Variants in NALF1 observed in about 807,000 individuals in gnomAD.
NALF1 encodes the protein family with sequence similarity 155 member A.
NALF1 carries 3 observed loss-of-function variants against 48.4 expected under a neutral mutation model. The observed-to-expected ratio is 0.06, with a 90% CI of 0.03 to 0.16. The LOEUF is 0.16. NALF1 is among the 10% of genes least tolerant of loss of function. The pLI is 1.00. For missense variants in NALF1, 526 were observed against 571.5 expected, an observed-to-expected ratio of 0.92 and a Z score of 0.81; for synonymous variants, 262 against 245.7, an observed-to-expected ratio of 1.07 and a Z score of -0.62.
intron 1 of NALF1, among the ~76,000 whole-genome samples, chr13:107,407,692 G>A (rs1883923375): frequency 6.6e-6 from 1 of 151,934 alleles, no homozygotes; most frequent in Non-Finnish European, 1.5e-5. Context: ...TAGTTTGGAA[G>A]CTCTTTAAAA....
intron 1 of NALF1, among the ~76,000 whole-genome samples, chr13:107,733,679 G>C (rs901627060): frequency 2.6e-5 from 4 of 152,064 alleles, no homozygotes; most frequent in Non-Finnish European, 5.9e-5. Context: ...ATAAACCAAT[G>C]ACAGAAAGAA....
At chr13:107,258,394 T>C (rs1880863107) in intron 1 of NALF1, among the ~76,000 whole-genome samples, 1 of 152,174 alleles carries the variant, frequency 6.6e-6, no homozygotes, top group Non-Finnish European at 1.5e-5. Flanking sequence ...AAATCTAAGA[T>C]AAAACACAAC....
chr13:107,330,299 A>T (rs1882444735), intron 1 of NALF1, among the ~76,000 whole-genome samples: 1 of 152,198 alleles, frequency 6.6e-6, no homozygotes, highest in Admixed American at 6.6e-5. Flanking sequence ...GTCCAAAGAG[A>T]AAAGATGCTG....
intron 1 of NALF1, among the ~76,000 whole-genome samples, chr13:107,253,510 G>T (rs890973436): frequency 6.6e-6 from 1 of 152,126 alleles, no homozygotes; most frequent in African/African-American, 2.4e-5. Context: ...GCTGGGGAAA[G>T]TCCTCTCCGT....
At chr13:107,242,249 T>G (rs768152103) in intron 1 of NALF1, among the ~76,000 whole-genome samples, 5 of 152,178 alleles carry the variant, frequency 3.3e-5, no homozygotes, top group Non-Finnish European at 7.3e-5. Context: ...CCTCCTCCTC[T>G]CCCGTTTCCA....
At chr13:107,690,014 A>G (rs1414885230) in intron 1 of NALF1, among the ~76,000 whole-genome samples, 1 of 152,246 alleles carries the variant, frequency 6.6e-6, no homozygotes. Flanking sequence ...TTAAGAAAGG[A>G]GCTAAATGTA....
At chr13:107,626,045 C>T (rs953984965) in intron 1 of NALF1, among the ~76,000 whole-genome samples, 1 of 151,914 alleles carries the variant, frequency 6.6e-6, no homozygotes, top group African/African-American at 2.4e-5. Context: ...TTCTTTTTAA[C>T]TTGTTAATCT....
At chr13:107,375,429 TA>T (rs1193114136) in intron 1 of NALF1, among the ~76,000 whole-genome samples, 1 of 152,148 alleles carries the variant, frequency 6.6e-6, no homozygotes, top group Non-Finnish European at 1.5e-5. Flanking sequence ...ATATTTTTTA[TA>T]AAAAATGTAT....
intron 1 of NALF1, among the ~76,000 whole-genome samples, chr13:107,671,918 T>C (rs1881000401): frequency 6.6e-6 from 1 of 152,246 alleles, no homozygotes; most frequent in South Asian, 2.1e-4. Context: ...ATTTCTAAGC[T>C]TTTATTTTCC....
intron 1 of NALF1, among the ~76,000 whole-genome samples, chr13:107,843,389 A>G (rs1488481045): frequency 1.1e-4 from 16 of 152,272 alleles, no homozygotes. Context: ...CTCCACTTAG[A>G]GAATCATCCA....
intron 1 of NALF1, among the ~76,000 whole-genome samples, chr13:107,666,327 T>C (rs1880857013): frequency 6.6e-6 from 1 of 152,158 alleles, no homozygotes; most frequent in Non-Finnish European, 1.5e-5. Context: ...GACTGAAACA[T>C]TGCCACCTCT....
At chr13:107,644,614 AGT>A (rs573718108) in intron 1 of NALF1, among the ~76,000 whole-genome samples, 8 of 124,546 alleles carry the variant, frequency 6.4e-5, no homozygotes, top group Non-Finnish European at 8.6e-5. Flanking sequence ...AGACATTTAG[AGT>A]GTGTGTGTGT....
At chr13:107,237,926 T>A (rs893395351) in intron 1 of NALF1, among the ~76,000 whole-genome samples, 1 of 152,204 alleles carries the variant, frequency 6.6e-6, no homozygotes, top group African/African-American at 2.4e-5. Flanking sequence ...GATTGGTGTT[T>A]AATATACACA....
chr13:107,353,604 T>C (rs1182740405), intron 1 of NALF1, among the ~76,000 whole-genome samples: 3 of 152,206 alleles, frequency 2.0e-5, no homozygotes, highest in Non-Finnish European at 2.9e-5. Context: ...AAGTTCATAC[T>C]AATGTGGAAA....
chr13:107,326,117 T>C (rs1453080234), intron 1 of NALF1, among the ~76,000 whole-genome samples: 2 of 151,398 alleles, frequency 1.3e-5, no homozygotes, highest in Admixed American at 6.6e-5. Context: ...TCTGTGGTAG[T>C]GAAAACAATT....
chr13:107,248,544 T>C (rs1199251084), intron 1 of NALF1, among the ~76,000 whole-genome samples: 1 of 149,352 alleles, frequency 6.7e-6, no homozygotes, highest in African/African-American at 2.5e-5. Flanking sequence ...TTAATAGCAA[T>C]TTTTTTCTTG....
At chr13:107,850,802 C>A (rs1324682551) in intron 1 of NALF1, among the ~76,000 whole-genome samples, 1 of 151,874 alleles carries the variant, frequency 6.6e-6, no homozygotes, top group Non-Finnish European at 1.5e-5. Flanking sequence ...ACTTGGGAGG[C>A]TGAGGCAAGA....
intron 1 of NALF1, among the ~76,000 whole-genome samples, chr13:107,824,065 G>A (rs2138620083): frequency 6.6e-6 from 1 of 151,936 alleles, no homozygotes; most frequent in African/African-American, 2.4e-5. Flanking sequence ...CTGTGTACCA[G>A]CTCATGGTAT....
intron 1 of NALF1, among the ~76,000 whole-genome samples, chr13:107,267,788 C>T (rs1881071558): frequency 6.6e-6 from 1 of 152,098 alleles, no homozygotes; most frequent in South Asian, 2.1e-4. Flanking sequence ...TACCTGAACA[C>T]AAAGACAGCA....
Sources: allele counts gnomAD v4.1 joint callset (sites outside exome capture counted in the v4.1 genomes callset), GRCh38; gene constraint gnomAD v4.1.1; transcripts MANE v1.5; gene names NCBI Gene and HGNC (gene_info 2026-07-23, HGNC 2026-07-21).